ADGRD1: variants seen among roughly 807,000 people sequenced by gnomAD.
The protein encoded by ADGRD1 is adhesion G protein-coupled receptor D1.
Under a neutral mutation model 113.4 loss-of-function variants are expected in ADGRD1, and 77 were observed. The observed-to-expected ratio is 0.68, with a 90% confidence interval of 0.57 to 0.82. The LOEUF (loss-of-function observed/expected upper bound fraction) is 0.82, where lower values mean the gene tolerates loss of function less well. ADGRD1 is among the 40% of genes least tolerant of loss of function. The probability of loss-of-function intolerance (pLI) is 0.00; values close to 1 mark genes in which losing one functional copy is unlikely to be tolerated. For missense variants in ADGRD1, 1,036 were observed against 1,139.1 expected (o/e 0.91, Z 1.30); for synonymous variants, 474 against 475.0 (o/e 1.00, Z 0.03).
intron 13 of ADGRD1, among the ~76,000 whole-genome samples, chr12:131,054,639 C>T (rs1883693896): frequency 6.6e-6 from 1 of 152,172 alleles, no homozygotes; most frequent in Non-Finnish European, 1.5e-5. Context: ...CTGGGCGCTT[C>T]CTTCCTGCAT....
intron 20 of ADGRD1, among the ~76,000 whole-genome samples, chr12:131,127,221 G>A (rs1277014012): frequency 1.3e-5 from 2 of 152,202 alleles, no homozygotes; most frequent in African/African-American, 4.8e-5. Context: ...CACTTAGAGT[G>A]CATCTTAACG....
intron 13 of ADGRD1, among the ~76,000 whole-genome samples, chr12:131,034,557 G>A (rs1215885082): frequency 6.6e-6 from 1 of 152,234 alleles, no homozygotes; most frequent in Non-Finnish European, 1.5e-5. Context: ...GGCAGAGAGA[G>A]GGACAGAGAG....
intron 4 of ADGRD1, among the ~76,000 whole-genome samples, chr12:130,980,101 C>T (rs988194181): frequency 1.3e-5 from 2 of 148,806 alleles, no homozygotes; most frequent in East Asian, 1.9e-4. Flanking sequence ...TGGGCTTTTG[C>T]GGTTCCTCTT....
intron 8 of ADGRD1, among the ~76,000 whole-genome samples, chr12:130,999,817 A>G (rs932530237): frequency 1.3e-5 from 2 of 152,192 alleles, no homozygotes; most frequent in African/African-American, 4.8e-5. Context: ...ACGAAGTAGA[A>G]AATTCACGTT....
chr12:131,066,032 G>T (rs1884693422), intron 13 of ADGRD1, among the ~76,000 whole-genome samples: 1 of 152,102 alleles, frequency 6.6e-6, no homozygotes, highest in Non-Finnish European at 1.5e-5. Flanking sequence ...CAGGGGTGAG[G>T]CTGAGGTTAA....
At chr12:130,985,286 A>G (rs1873515064) in intron 5 of ADGRD1, among the ~76,000 whole-genome samples, 1 of 152,092 alleles carries the variant, frequency 6.6e-6, no homozygotes, top group South Asian at 2.1e-4. Context: ...TCTTTTCCAA[A>G]TATTTTCTCC....
intron 13 of ADGRD1, chr12:131,026,712 A>G (rs963810503): frequency 6.6e-6 from 1 of 152,082 alleles, no homozygotes; most frequent in African/African-American, 2.4e-5. Flanking sequence ...CCTGGCCTCT[A>G]CCCACTTGAT....
intron 20 of ADGRD1, among the ~76,000 whole-genome samples, chr12:131,131,065 C>T (rs1950910575): frequency 6.6e-6 from 1 of 152,190 alleles, no homozygotes; most frequent in African/African-American, 2.4e-5. Flanking sequence ...GGGGTTCTTC[C>T]CCATGCTGTG....
chr12:131,115,152 G>A (rs1950434355), intron 18 of ADGRD1, among the ~76,000 whole-genome samples: 1 of 152,144 alleles, frequency 6.6e-6, no homozygotes, highest in Non-Finnish European at 1.5e-5. Context: ...TCCCTCTTTG[G>A]TTTTAAAGAA....
At chr12:131,132,081 C>T (rs766153711) in intron 21 of ADGRD1, among the ~76,000 whole-genome samples, 4 of 152,178 alleles carry the variant, frequency 2.6e-5, no homozygotes, top group Non-Finnish European at 2.9e-5. Flanking sequence ...ATTTCTTCAC[C>T]CCAGGGTGAT....
At chr12:131,086,138 C>G (rs1253838617) in intron 15 of ADGRD1, among the ~76,000 whole-genome samples, 1 of 152,170 alleles carries the variant, frequency 6.6e-6, no homozygotes, top group Non-Finnish European at 1.5e-5. Flanking sequence ...TGTGGACAGG[C>G]AGAATCTACC....
intron 13 of ADGRD1, among the ~76,000 whole-genome samples, chr12:131,018,271 G>C (rs1006074469): frequency 1.3e-5 from 2 of 152,220 alleles, no homozygotes; most frequent in Admixed American, 6.5e-5. Context: ...CACGTGGTTA[G>C]ATTGCAGGGC....
intron 13 of ADGRD1, among the ~76,000 whole-genome samples, chr12:131,056,718 G>A (rs1883890334): frequency 6.6e-6 from 1 of 152,214 alleles, no homozygotes; most frequent in African/African-American, 2.4e-5. Flanking sequence ...CTTTGATGTG[G>A]GTGGACCATG....
chr12:130,960,831 G>A (rs1870262826), intron 2 of ADGRD1, among the ~76,000 whole-genome samples: 1 of 152,290 alleles, frequency 6.6e-6, no homozygotes, highest in Middle Eastern at 3.4e-3. Flanking sequence ...AACCAAATAA[G>A]GACCTGAAAG....
rs572562052 is a variant in ADGRD1 at position 131,030,164 on chromosome 12, C to A, written c.1473+15824C>A. On this transcript the variant is annotated intron_variant, in intron 13 of 24. Coordinates refer to ENST00000261654, the MANE Select transcript of ADGRD1 (RefSeq NM_198827.5). The stretch of plus-strand genomic sequence containing the variant: ...CAGGCTCTGGGGTTAGGTTGTGGAC[C>A]CGTCGTATGGTGACATTCCCAGGCT... 2.7e-5 allele frequency among the ~76,000 whole-genome samples: 4 copies of A among 149,178 alleles called. No homozygotes were observed. The East Asian group carries it at 7.9e-4, about 30-fold the overall frequency.
intron 15 of ADGRD1, 68 bp from the exon 16 acceptor site, chr12:131,104,763 C>T (rs1950191125): frequency 8.9e-7 from 1 of 1,117,856 alleles, no homozygotes; most frequent in Non-Finnish European, 1.3e-6. Flanking sequence ...CACCTGGGCC[C>T]TCTGCAGCTT....
chr12:131,114,108 T>A (rs1212945986), intron 18 of ADGRD1, among the ~76,000 whole-genome samples: 1 of 152,174 alleles, frequency 6.6e-6, no homozygotes, highest in Non-Finnish European at 1.5e-5. Flanking sequence ...GTAGCGGGGC[T>A]GTCTGTGTCG....
rs990927308 is a variant in ADGRD1 at position 131,044,387 on chromosome 12, T to C, written c.1473+30047T>C. 3.9e-5 allele frequency among the ~76,000 whole-genome samples: 6 copies of C among 152,064 alleles called. No individual in the cohort carries two copies. In the East Asian group the frequency reaches 9.6e-4, roughly 24 times the overall value. On this transcript the variant is annotated intron_variant, in intron 13 of 24. Transcript: ENST00000261654. ...TCCCAGGAACCCGTCCACCCACGAG[T>C]TCCCCCCTTGACAGGAGAGGCAGAA...
At chr12:131,030,194 G>A (rs1310242700) in intron 13 of ADGRD1, among the ~76,000 whole-genome samples, 1 of 148,264 alleles carries the variant, frequency 6.7e-6, no homozygotes, top group African/African-American at 2.5e-5. Flanking sequence ...CAGGCTCTGG[G>A]GTTAGGTTGT....
Sources: gnomAD v4.1 joint callset for allele counts (sites outside exome capture counted in the v4.1 genomes callset) on GRCh38, gnomAD v4.1.1 for gene constraint, MANE v1.5 for transcripts, NCBI Gene and HGNC (gene_info 2026-07-23, HGNC 2026-07-21) for gene names.